Variants in WWOX observed in about 807,000 individuals in gnomAD.
WWOX encodes WW domain-containing oxidoreductase.
Under a neutral mutation model 46.2 loss-of-function variants are expected in WWOX, and 69 were observed. The observed-to-expected ratio is 1.49, with a 90% CI of 1.23 to 1.82. The LOEUF (loss-of-function observed/expected upper bound fraction) is 1.82, where lower values mean the gene tolerates loss of function less well. Among genes scored for constraint, WWOX ranks in the 40% most tolerant of loss-of-function variants. WWOX has a pLI of 0.00. For missense variants in WWOX, 919 were observed against 542.6 expected (o/e 1.69, Z -6.89); for synonymous variants, 359 against 202.6 (o/e 1.77, Z -6.56).
chr16:78,210,077 G>C (rs1327980354), intron 5 of WWOX, among the ~76,000 whole-genome samples: 1 of 152,116 alleles, frequency 6.6e-6, no homozygotes, highest in East Asian at 1.9e-4. Flanking sequence ...TTGGAAAAAT[G>C]ACGTGTGAGC....
intron 8 of WWOX, among the ~76,000 whole-genome samples, chr16:78,792,157 C>T (rs927457235): frequency 1.3e-5 from 2 of 152,036 alleles, no homozygotes; most frequent in African/African-American, 2.4e-5. Context: ...CTCAGTGGCC[C>T]GCAGCAATAA....
chr16:78,573,294 C>CAAACA (rs992094521), intron 8 of WWOX, among the ~76,000 whole-genome samples: 3 of 152,186 alleles, frequency 2.0e-5, no homozygotes, highest in African/African-American at 7.2e-5. Flanking sequence ...TCAAAACAAA[C>CAAACA]AAACAAAACA....
intron 6 of WWOX, among the ~76,000 whole-genome samples, chr16:78,414,877 G>T (rs1024571997): frequency 6.6e-6 from 1 of 152,078 alleles, no homozygotes; most frequent in African/African-American, 2.4e-5. Flanking sequence ...TACCGGAAAC[G>T]GGTCCCAATC....
intron 8 of WWOX, among the ~76,000 whole-genome samples, chr16:78,950,364 C>A (rs913007905): frequency 6.6e-6 from 1 of 152,090 alleles, no homozygotes; most frequent in Non-Finnish European, 1.5e-5. Flanking sequence ...GTGTTTGTTA[C>A]TACAAAAGCA....
intron 8 of WWOX, among the ~76,000 whole-genome samples, chr16:78,668,801 C>G (rs1238956836): frequency 6.6e-6 from 1 of 152,112 alleles, no homozygotes; most frequent in Non-Finnish European, 1.5e-5. Flanking sequence ...GCAGGTACAG[C>G]AGCTCAGACA....
At chr16:78,727,046 T>G (rs2048852338) in intron 8 of WWOX, among the ~76,000 whole-genome samples, 1 of 152,180 alleles carries the variant, frequency 6.6e-6, no homozygotes, top group African/African-American at 2.4e-5. Flanking sequence ...TTCCAGCACG[T>G]GGCATCGCCA....
chr16:78,354,536 T>C (rs1357326174), intron 5 of WWOX, among the ~76,000 whole-genome samples: 1 of 152,154 alleles, frequency 6.6e-6, no homozygotes, highest in African/African-American at 2.4e-5. Flanking sequence ...ATTTCTAGTT[T>C]AGAAGAGACC....
At chr16:79,010,692 C>T (rs1280096284) in intron 8 of WWOX, among the ~76,000 whole-genome samples, 1 of 152,004 alleles carries the variant, frequency 6.6e-6, no homozygotes, top group Non-Finnish European at 1.5e-5. Flanking sequence ...TCAAGGAAGG[C>T]TTCCAGGCAG....
intron 8 of WWOX, chr16:78,996,370 G>GCCCC (rs1335085239): frequency 4.8e-6 from 4 of 834,516 alleles, no homozygotes; most frequent in African/African-American, 3.1e-5. Context: ...AGTGAATTCT[G>GCCCC]CACCCACCCC....
chr16:78,573,424 C>A (rs1362701337), intron 8 of WWOX, among the ~76,000 whole-genome samples: 1 of 152,190 alleles, frequency 6.6e-6, no homozygotes, highest in South Asian at 2.1e-4. Flanking sequence ...GTGATGAAAA[C>A]ATAAGAATGT....
At chr16:78,537,259 C>A (rs903158686) in intron 8 of WWOX, among the ~76,000 whole-genome samples, 5 of 152,120 alleles carry the variant, frequency 3.3e-5, no homozygotes, top group Non-Finnish European at 7.4e-5. Flanking sequence ...GCCTGCCTCC[C>A]TGTCTCCCTG....
intron 5 of WWOX, among the ~76,000 whole-genome samples, chr16:78,357,598 G>A (rs1303457644): frequency 6.6e-6 from 1 of 152,136 alleles, no homozygotes; most frequent in Non-Finnish European, 1.5e-5. Flanking sequence ...GCTATTCTAT[G>A]CTAAACATTT....
At chr16:79,071,627 G>A (rs1259074594) in intron 8 of WWOX, among the ~76,000 whole-genome samples, 2 of 152,216 alleles carry the variant, frequency 1.3e-5, no homozygotes, top group South Asian at 4.1e-4. Context: ...CTTGTAGTCA[G>A]TTACTCTCTG....
chr16:78,543,174 C>A (rs925819480), intron 8 of WWOX, among the ~76,000 whole-genome samples: 1 of 152,200 alleles, frequency 6.6e-6, no homozygotes, highest in African/African-American at 2.4e-5. Context: ...GATCTCACAG[C>A]TGCTACATCT....
chr16:78,918,148 A>G (rs1312134389), intron 8 of WWOX, among the ~76,000 whole-genome samples: 3 of 152,194 alleles, frequency 2.0e-5, no homozygotes, highest in Admixed American at 6.5e-5. Context: ...ACTTGAGCCC[A>G]GGAGGTTGAG....
chr16:78,709,950 T>G lies in WWOX; in HGVS notation c.1056+277198T>G, dbSNP rs377675649. Among the ~76,000 whole-genome samples, 30 of 152,170 alleles carry G rather than the reference T, an allele frequency of 2.0e-4. 1 individual carries two copies. Among genetic ancestry groups the G allele is most frequent in the African/African-American group, 5.8e-4 (24 of 41,532 alleles). ...TTCACCATGTTGCCCAGGATGGTCT[T>G]GAACCCCTGATCTCAGGTGTTCCAC... On this transcript the variant is annotated intron_variant, in intron 8 of 8. Coordinates refer to ENST00000566780, the MANE Select transcript of WWOX (RefSeq NM_016373.4).
At chr16:78,104,208 C>A (rs1246295982) in intron 1 of WWOX, among the ~76,000 whole-genome samples, 8 of 147,028 alleles carry the variant, frequency 5.4e-5, no homozygotes, top group Non-Finnish European at 1.0e-4. Flanking sequence ...CTAGATCTCC[C>A]TGCTAACTTA....
intron 5 of WWOX, among the ~76,000 whole-genome samples, chr16:78,217,259 C>CT (rs2151794427): frequency 6.6e-6 from 1 of 152,302 alleles, no homozygotes; most frequent in South Asian, 2.1e-4. Context: ...TCCTGCCTGC[C>CT]TTGCAGGATA....
chr16:78,268,612 A>G (rs918381961), intron 5 of WWOX, among the ~76,000 whole-genome samples: 1 of 152,176 alleles, frequency 6.6e-6, no homozygotes, highest in Non-Finnish European at 1.5e-5. Flanking sequence ...TTCACCCACC[A>G]TTTCCTAGGT....
Sources: gnomAD v4.1 joint callset for allele counts (sites outside exome capture counted in the v4.1 genomes callset) on GRCh38, gnomAD v4.1.1 for gene constraint, MANE v1.5 for transcripts, NCBI Gene and HGNC (gene_info 2026-07-23, HGNC 2026-07-21) for gene names.